RPL27: variants seen among roughly 807,000 people sequenced by gnomAD.
RPL27 encodes the protein large ribosomal subunit protein eL27.
For synonymous variants in RPL27, 77 were observed against 61.0 expected, an observed-to-expected ratio of 1.26 and a Z score of -1.22; for missense variants, 131 against 174.3, an observed-to-expected ratio of 0.75 and a Z score of 1.40.
intron 2 of RPL27, 182 bp from the exon 3 acceptor site, chr17:42,999,751 T>G: frequency 1.8e-6 from 1 of 570,404 alleles, no homozygotes. Context: ...TGCTTCCTGA[T>G]GGAGATAAAC....
intron 3 of RPL27, among the ~76,000 whole-genome samples, chr17:43,000,750 A>G (rs1467471535): frequency 6.7e-6 from 1 of 149,220 alleles, no homozygotes; most frequent in Admixed American, 6.7e-5. Flanking sequence ...GGCCAGTACA[A>G]GTGTTTTTTA....
intron 2 of RPL27, 140 bp from the exon 3 acceptor site, chr17:42,999,793 A>T: frequency 1.6e-6 from 1 of 638,470 alleles, no homozygotes; most frequent in Non-Finnish European, 2.7e-6. Flanking sequence ...CATTTCTCAT[A>T]GCTTTCTGTG....
Position 43,000,083 on chromosome 17 carries a change from A to T in RPL27, c.232A>T (p.Asn78Tyr), listed in dbSNP as rs1268273517. 1.9e-6 allele frequency: 3 copies of T among 1,612,646 alleles called. No individual in the cohort carries two copies. The highest frequency in any genetic ancestry group is 2.5e-6 in the Non-Finnish European group (3 of 1,179,450). Residue 78 changes from asparagine (N) to tyrosine (Y), a missense_variant, in exon 3 of 5, where the codon AAT becomes TAT. Physicochemically the swap from Asn to Tyr is moderately radical, Grantham distance 143 (BLOSUM62 -2). Coordinates refer to ENST00000253788, the MANE Select transcript of RPL27 (RefSeq NM_000988.5). ...ATCTTTTGTGAAAGTGTATAACTACAATCACCTAATGCCCACAAGGTGAGC... is the reference window on the plus strand; with the variant it reads ...ATCTTTTGTGAAAGTGTATAACTACTATCACCTAATGCCCACAAGGTGAGC... ...IKSFVKVYNY[N>Y]HLMPTRYSVD...
rs1322910263 is a variant in RPL27 at position 42,998,933 on chromosome 17, C to T, written c.81+102C>T. ...TCAAGGCCTGTTTCTGGGGCAGTAG[C>T]CAGTGAGCACGGTCAGGGTGAACGT... On this transcript the variant is annotated intron_variant, in intron 2 of 4. Coordinates refer to ENST00000253788, the MANE Select transcript of RPL27 (RefSeq NM_000988.5). 6 of 833,726 alleles carry T rather than the reference C, an allele frequency of 7.2e-6. No homozygotes were observed. The South Asian group carries it at 8.6e-5, about 12-fold the overall frequency. The allele number at this position is 833,726 out of a possible 1,614,324, so 51.6% of individuals were successfully genotyped here.
At chr17:42,999,651 C>A in intron 2 of RPL27, 1 of 339,882 alleles carries the variant, frequency 2.9e-6, no homozygotes. Context: ...ATACCAAGTC[C>A]TGTGAGCAGT....
intron 2 of RPL27, 37 bp downstream of exon 2, chr17:42,998,868 G>T: frequency 6.4e-7 from 1 of 1,570,160 alleles, no homozygotes; most frequent in Middle Eastern, 1.7e-4. Flanking sequence ...CTTGCATGCC[G>T]GGACCAGGCT....
chr17:42,998,305 T>C (rs1431237185), upstream of RPL27: 1 of 155,930 alleles, frequency 6.4e-6, no homozygotes, highest in Admixed American at 6.5e-5. Context: ...GCCCTGCGTT[T>C]CCCTCATGAG....
In RPL27 at chr17:42,998,514, C is replaced by T. The variant is rs2050323683; in HGVS notation, c.-3+43C>T. 4 of 427,156 alleles carry T rather than the reference C, an allele frequency of 9.4e-6. No homozygotes were observed. The South Asian group carries it at 1.1e-4, about 11-fold the overall frequency. 26.5% of individuals were successfully genotyped at this position (427,156 alleles called of 1,614,324 possible). ...TTGAATCTTTCAATCCGCTGCCATC[C>T]GCGGCTTGGGGGTCGAAGGTCCGGG... On this transcript the variant is annotated intron_variant, in intron 1 of 4. Coordinates refer to ENST00000253788, the MANE Select transcript of RPL27 (RefSeq NM_000988.5).
At chr17:42,999,891 T>G (rs2050340605) in intron 2 of RPL27, 42 bp from the exon 3 acceptor site, 1 of 1,565,092 alleles carries the variant, frequency 6.4e-7, no homozygotes, top group Non-Finnish European at 8.8e-7. Context: ...AGGGCCTAAA[T>G]AGGCCCTCAG....
At position 43,002,757 on chromosome 17, in the gene RPL27, G is replaced by GGAGGCC. The variant is rs2050379261; in HGVS notation, c.337_342dup (p.Glu113_Ala114dup). On this transcript the variant is annotated inframe_insertion, in exon 4 of 5. Transcript: ENST00000253788. ...CTGCTCTTAAACGCAAGGCCCGACG[G>GGAGGCC]GAGGCCAAGGTCAAGTTTGAAGAGA... 1 of 1,613,474 alleles carries GGAGGCC rather than the reference G, an allele frequency of 6.2e-7. No individual in the cohort carries two copies. The highest frequency in any genetic ancestry group is 1.1e-5 in the South Asian group (1 of 91,070).
At chr17:42,999,487 C>A in intron 2 of RPL27, 1 of 159,402 alleles carries the variant, frequency 6.3e-6, no homozygotes, top group Non-Finnish European at 1.4e-5. Flanking sequence ...GTTCCCTAGG[C>A]TCTGGCCACA....
chr17:43,002,619 A>C, intron 3 of RPL27, 54 bp from the exon 4 acceptor site: 2 of 1,028,574 alleles, frequency 1.9e-6, no homozygotes, highest in Non-Finnish European at 3.1e-6. Flanking sequence ...TTTGGGCTGT[A>C]TAGGGGCCCC....
At chr17:43,001,348 G>A (rs147943924) in intron 3 of RPL27, among the ~76,000 whole-genome samples, 5 of 151,888 alleles carry the variant, frequency 3.3e-5, no homozygotes, top group African/African-American at 1.2e-4. Flanking sequence ...GAGAGAGGCC[G>A]GACACCATGG....
intron 1 of RPL27, 57 bp from the exon 2 acceptor site, chr17:42,998,692 C>G (rs1226409737): frequency 1.5e-6 from 2 of 1,351,024 alleles, no homozygotes; most frequent in Non-Finnish European, 2.1e-6. Context: ...GGAGTCAGCT[C>G]TGGGCATCTT....
At chr17:42,999,895 C>T in intron 2 of RPL27, 38 bp from the exon 3 acceptor site, 1 of 1,573,228 alleles carries the variant, frequency 6.4e-7, no homozygotes, top group Non-Finnish European at 8.7e-7. Context: ...CCTAAATAGG[C>T]CCTCAGTGAA....
intron 3 of RPL27, among the ~76,000 whole-genome samples, chr17:43,001,359 C>T (rs1357403744): frequency 1.3e-5 from 2 of 152,030 alleles, no homozygotes; most frequent in African/African-American, 4.8e-5. Context: ...GACACCATGG[C>T]TCACGCCTGT....
At chr17:42,998,546 CG>C in intron 1 of RPL27, 75 bp downstream of exon 1, 1 of 461,946 alleles carries the variant, frequency 2.2e-6, no homozygotes, top group Non-Finnish European at 3.9e-6. Context: ...CGGGCGGCGC[CG>C]GGTGCATTCC....
At chr17:43,000,123 A>G in intron 3 of RPL27, 21 bp downstream of exon 3, 1 of 1,587,186 alleles carries the variant, frequency 6.3e-7, no homozygotes. Context: ...CAAGAACTAG[A>G]ATTTAAATTT....
In RPL27 at chr17:43,000,031, G is replaced by A. The variant is rs11538131; in HGVS notation, c.180G>A (p.Lys60=). Residue 60 remains lysine, a synonymous_variant, in exon 3 of 5, where the codon AAG becomes AAA. Coordinates refer to ENST00000253788, the MANE Select transcript of RPL27 (RefSeq NM_000988.5). ...PRKVTAAMGK[K]KIAKRSKIKS... is the part of the protein sequence containing the mutation. ...AAGTGACAGCTGCCATGGGCAAGAA[G>A]AAGATCGCCAAGAGATCAAAGATAA... 3.6e-3 allele frequency: 5,851 copies of A among 1,612,866 alleles called. 24 individuals are homozygous for A. Among genetic ancestry groups the A allele is most frequent in the Middle Eastern group, 5.7e-3 (29 of 5,056 alleles).
Sources: gnomAD v4.1 joint callset for allele counts (sites outside exome capture counted in the v4.1 genomes callset) on GRCh38, gnomAD v4.1.1 for gene constraint, MANE v1.5 for transcripts, NCBI Gene and HGNC (gene_info 2026-07-23, HGNC 2026-07-21) for gene names.